The following RARB variants were observed in gnomAD, a reference collection of about 807,000 sequenced individuals.
The protein encoded by RARB is retinoic acid receptor beta, also known as HBV-activated protein.
Under a neutral mutation model 51.9 loss-of-function variants are expected in RARB, and 17 were observed. The ratio of observed to expected loss-of-function variants is 0.33; its 90% CI spans 0.22 to 0.49. RARB has a LOEUF of 0.49. Among genes scored for constraint, RARB ranks in the 20% least tolerant of loss-of-function variants. The probability of loss-of-function intolerance (pLI) is 0.99; values close to 1 mark genes in which losing one functional copy is unlikely to be tolerated. For synonymous variants in RARB, 215 were observed against 195.4 expected (o/e 1.10, Z -0.84); for missense variants, 369 against 550.8 (o/e 0.67, Z 3.30).
chr3:25,382,869 CA>C (rs11421888), intron 5 of RARB, among the ~76,000 whole-genome samples: 6 of 151,686 alleles, frequency 4.0e-5, no homozygotes, highest in East Asian at 1.9e-4. Flanking sequence ...AACAAATAAA[CA>C]AAAAAAAGTA....
chr3:25,111,737 C>T (rs2125325485), intron 3 of RARB, among the ~76,000 whole-genome samples: 1 of 152,030 alleles, frequency 6.6e-6, no homozygotes, highest in African/African-American at 2.4e-5. Context: ...CGCCACCATG[C>T]CCAGCTAATT....
intron 3 of RARB, among the ~76,000 whole-genome samples, chr3:25,516,631 C>CTTATTTTTTTTTTTTTTTTTTTT (rs1698175291): frequency 7.6e-6 from 1 of 131,728 alleles, no homozygotes; most frequent in African/African-American, 3.3e-5. Flanking sequence ...ATTTCCTTGT[C>CTTATTTTTTTTTTTTTTTTTTTT]TTTTTTTTTT....
intron 1 of RARB, among the ~76,000 whole-genome samples, chr3:25,440,368 C>G (rs760629033): frequency 2.0e-5 from 3 of 151,522 alleles, no homozygotes; most frequent in Non-Finnish European, 4.4e-5. Context: ...ATAATCGGAG[C>G]CTGGGAATGT....
At chr3:25,286,028 G>T (rs1488155969) in intron 5 of RARB, among the ~76,000 whole-genome samples, 1 of 151,384 alleles carries the variant, frequency 6.6e-6, no homozygotes, top group Non-Finnish European at 1.5e-5. Context: ...GTCAGTCGGA[G>T]GCTGTTATCT....
rs201169051 is a variant in RARB at position 25,027,624 on chromosome 3, A to AC, written c.-379-32501_-379-32500insC. Among the ~76,000 whole-genome samples, 247 of 83,770 alleles carry AC rather than the reference A, an allele frequency of 2.9e-3. 1 individual carries two copies. Among genetic ancestry groups the AC allele is most frequent in the East Asian group, 7.4e-3 (10 of 1,356 alleles). The allele number at this position is 83,770 out of a possible 152,430, so 55.0% of individuals were successfully genotyped here. On this transcript the variant is annotated intron_variant, in intron 2 of 11. Transcript: ENST00000383772. ...GTACACTTTATGGAAAGGAAAAAAA[A>AC]ACCACAATTCTGTTGACACTAATAT...
chr3:25,129,513 A>G (rs956686290), intron 3 of RARB, among the ~76,000 whole-genome samples: 1 of 152,122 alleles, frequency 6.6e-6, no homozygotes. Context: ...AGCCTCATTT[A>G]AACTTACATT....
intron 5 of RARB, among the ~76,000 whole-genome samples, chr3:25,358,601 A>G (rs773535535): frequency 3.3e-5 from 5 of 152,174 alleles, no homozygotes; most frequent in African/African-American, 4.8e-5. Context: ...ATTCAGTATG[A>G]TATTGGCTGT....
chr3:25,011,364 A>T (rs1056995088), intron 2 of RARB, among the ~76,000 whole-genome samples: 10 of 152,130 alleles, frequency 6.6e-5, no homozygotes, highest in African/African-American at 2.4e-4. Flanking sequence ...AACCTGAAGG[A>T]GGTGAGGGAG....
intron 2 of RARB, among the ~76,000 whole-genome samples, chr3:25,021,257 C>T (rs1697629765): frequency 6.6e-6 from 1 of 152,178 alleles, no homozygotes; most frequent in Non-Finnish European, 1.5e-5. Flanking sequence ...TGTATGTAAG[C>T]ATTGAATCTC....
At chr3:25,379,126 C>A (rs1454444860) in intron 5 of RARB, among the ~76,000 whole-genome samples, 3 of 152,136 alleles carry the variant, frequency 2.0e-5, no homozygotes, top group Non-Finnish European at 4.4e-5. Context: ...ACTTAATGGT[C>A]TGTTTAGATA....
At chr3:25,309,780 C>T (rs1490313224) in intron 5 of RARB, among the ~76,000 whole-genome samples, 3 of 152,114 alleles carry the variant, frequency 2.0e-5, no homozygotes, top group Non-Finnish European at 4.4e-5. Context: ...CAGGGATGAG[C>T]CACCGTGCCC....
At chr3:25,286,533 T>G (rs566604095) in intron 5 of RARB, among the ~76,000 whole-genome samples, 2 of 152,352 alleles carry the variant, frequency 1.3e-5, no homozygotes, top group African/African-American at 4.8e-5. Flanking sequence ...ACAACATTGT[T>G]GAATTGACTT....
intron 5 of RARB, among the ~76,000 whole-genome samples, chr3:25,373,327 G>T (rs920649332): frequency 3.9e-5 from 6 of 152,130 alleles, no homozygotes; most frequent in African/African-American, 1.4e-4. Context: ...ACTTAGCTTG[G>T]AGTTTGCCAA....
chr3:25,538,716 A>T (rs573541053), intron 3 of RARB, among the ~76,000 whole-genome samples: 1 of 152,368 alleles, frequency 6.6e-6, no homozygotes, highest in Admixed American at 6.5e-5. Context: ...GGAAAACACT[A>T]GAATCATGGT....
chr3:24,998,872 T>C (rs77109700), intron 2 of RARB, among the ~76,000 whole-genome samples: 2,873 of 152,270 alleles, frequency 0.019, 76 homozygotes, highest in East Asian at 0.12. Context: ...TTAATATTTA[T>C]ACATACCTAC....
chr3:25,132,284 A>G (rs1416721390), intron 4 of RARB, among the ~76,000 whole-genome samples: 3 of 151,886 alleles, frequency 2.0e-5, no homozygotes, highest in African/African-American at 4.8e-5. Context: ...TTGCTATTAT[A>G]ATTATAAATA....
chr3:24,924,672 C>T (rs955183126), intron 2 of RARB, among the ~76,000 whole-genome samples: 6 of 152,104 alleles, frequency 3.9e-5, no homozygotes, highest in African/African-American at 1.4e-4. Context: ...TGAGGTTATG[C>T]TATTGCCTTT....
intron 5 of RARB, among the ~76,000 whole-genome samples, chr3:25,304,542 A>G: frequency 6.6e-6 from 1 of 152,132 alleles, no homozygotes; most frequent in East Asian, 1.9e-4. Context: ...CATTTGGAAT[A>G]ATCTTTGACT....
chr3:25,166,730 A>G (rs1002933505), intron 4 of RARB, among the ~76,000 whole-genome samples: 2 of 152,198 alleles, frequency 1.3e-5, no homozygotes, highest in East Asian at 1.9e-4. Context: ...AAGGAAGCAC[A>G]GTGTAAAACT....
Sources: gnomAD v4.1 joint callset for allele counts (sites outside exome capture counted in the v4.1 genomes callset) on GRCh38, gnomAD v4.1.1 for gene constraint, MANE v1.5 for transcripts, NCBI Gene and HGNC (gene_info 2026-07-23, HGNC 2026-07-21) for gene names.